KCTD16: variants seen among roughly 807,000 people sequenced by gnomAD.
KCTD16 encodes the protein BTB/POZ domain-containing protein KCTD16.
KCTD16 carries 13 observed loss-of-function variants against 33.2 expected under a neutral mutation model. The observed-to-expected ratio is 0.39, with a 90% CI of 0.25 to 0.62. The LOEUF (loss-of-function observed/expected upper bound fraction) is 0.62, where lower values mean the gene tolerates loss of function less well. KCTD16 is among the 20% of genes least tolerant of loss of function. The pLI is 0.50. For missense variants in KCTD16, 441 were observed against 525.1 expected (o/e 0.84, Z 1.57); for synonymous variants, 197 against 195.3 (o/e 1.01, Z -0.07).
At chr5:144,404,091 A>C (rs773869637) in intron 3 of KCTD16, among the ~76,000 whole-genome samples, 1 of 152,166 alleles carries the variant, frequency 6.6e-6, no homozygotes, top group African/African-American at 2.4e-5. Context: ...CTCACACCCA[A>C]CTTAAAAAGA....
chr5:144,252,690 G>A (rs1754734228), intron 3 of KCTD16, among the ~76,000 whole-genome samples: 1 of 151,380 alleles, frequency 6.6e-6, no homozygotes, highest in African/African-American at 2.4e-5. Flanking sequence ...AAGATAATGA[G>A]GCTCATGTCA....
chr5:144,405,860 T>A (rs1443928436), intron 3 of KCTD16, among the ~76,000 whole-genome samples: 1 of 152,070 alleles, frequency 6.6e-6, no homozygotes, highest in Admixed American at 6.5e-5. Context: ...AGGCTGTGAG[T>A]TTTATCTTTC....
intron 3 of KCTD16, among the ~76,000 whole-genome samples, chr5:144,441,000 T>C (rs1753694132): frequency 6.6e-6 from 1 of 152,030 alleles, no homozygotes; most frequent in African/African-American, 2.4e-5. Context: ...TTTGGTTTTT[T>C]GTCCTTGCGA....
At chr5:144,253,056 T>C (rs887929878) in intron 3 of KCTD16, among the ~76,000 whole-genome samples, 4 of 152,002 alleles carry the variant, frequency 2.6e-5, no homozygotes, top group Non-Finnish European at 5.9e-5. Flanking sequence ...GTGTTAAAAA[T>C]ATTATAATTT....
chr5:144,235,424 G>A (rs1754223966), intron 3 of KCTD16, among the ~76,000 whole-genome samples: 2 of 152,018 alleles, frequency 1.3e-5, no homozygotes, highest in African/African-American at 4.8e-5. Flanking sequence ...TCAGATCAGG[G>A]GCTGGAGTCA....
chr5:144,230,884 T>G (rs937820468), intron 3 of KCTD16, among the ~76,000 whole-genome samples: 5 of 152,172 alleles, frequency 3.3e-5, no homozygotes, highest in African/African-American at 1.2e-4. Context: ...GGAACAGCAT[T>G]CTAGGCAGCA....
intron 3 of KCTD16, among the ~76,000 whole-genome samples, chr5:144,222,464 G>T (rs1210413846): frequency 1.3e-5 from 2 of 151,936 alleles, no homozygotes; most frequent in African/African-American, 4.8e-5. Flanking sequence ...TGTGCACAAA[G>T]CGGCATAATA....
At chr5:144,425,144 A>T (rs533551610) in intron 3 of KCTD16, among the ~76,000 whole-genome samples, 1 of 152,276 alleles carries the variant, frequency 6.6e-6, no homozygotes, top group African/African-American at 2.4e-5. Flanking sequence ...ACAATAGTAG[A>T]TCAGGCATAG....
intron 3 of KCTD16, among the ~76,000 whole-genome samples, chr5:144,448,103 C>G (rs35470729): frequency 1.3e-5 from 2 of 149,306 alleles, no homozygotes; most frequent in African/African-American, 2.6e-5. Context: ...TCAGTCATAT[C>G]CAATTACTTG....
intron 3 of KCTD16, among the ~76,000 whole-genome samples, chr5:144,395,643 C>G (rs1752551700): frequency 6.6e-6 from 1 of 152,230 alleles, no homozygotes; most frequent in Non-Finnish European, 1.5e-5. Flanking sequence ...CAGCAATTCT[C>G]TCCACAATAA....
At chr5:144,226,057 C>G (rs1753921915) in intron 3 of KCTD16, among the ~76,000 whole-genome samples, 1 of 152,128 alleles carries the variant, frequency 6.6e-6, no homozygotes, top group Non-Finnish European at 1.5e-5. Flanking sequence ...TTTGCTTTTC[C>G]TTATCTCTTA....
chr5:144,268,047 C>G (rs1294919116), intron 3 of KCTD16, among the ~76,000 whole-genome samples: 1 of 152,252 alleles, frequency 6.6e-6, no homozygotes, highest in South Asian at 2.1e-4. Flanking sequence ...GTATTGCACG[C>G]TTCAGACTTC....
At chr5:144,248,141 G>A (rs1754600664) in intron 3 of KCTD16, among the ~76,000 whole-genome samples, 1 of 152,146 alleles carries the variant, frequency 6.6e-6, no homozygotes, top group African/African-American at 2.4e-5. Flanking sequence ...TATACAGTAC[G>A]GGAGAAGGAA....
chr5:144,393,554 A>T (rs2126940170), intron 3 of KCTD16, among the ~76,000 whole-genome samples: 1 of 152,202 alleles, frequency 6.6e-6, no homozygotes, highest in African/African-American at 2.4e-5. Flanking sequence ...GTGTGTATAT[A>T]TATAGAGAGA....
chr5:144,430,935 A>G (rs981771007), intron 3 of KCTD16, among the ~76,000 whole-genome samples: 1 of 152,132 alleles, frequency 6.6e-6, no homozygotes, highest in Non-Finnish European at 1.5e-5. Flanking sequence ...AGAATCTAAT[A>G]ATAGCCACAG....
At chr5:144,204,096 T>C (rs550055554) in intron 2 of KCTD16, among the ~76,000 whole-genome samples, 36 of 152,346 alleles carry the variant, frequency 2.4e-4, no homozygotes, top group African/African-American at 8.7e-4. Flanking sequence ...AGTAACCCAA[T>C]GCTTATTGAA....
At chr5:144,327,441 T>G (rs1165441254) in intron 3 of KCTD16, among the ~76,000 whole-genome samples, 1 of 152,178 alleles carries the variant, frequency 6.6e-6, no homozygotes, top group Admixed American at 6.6e-5. Context: ...CTCTTCCCAT[T>G]AGAATTCATG....
At chr5:144,401,057 G>T (rs1345638493) in intron 3 of KCTD16, among the ~76,000 whole-genome samples, 1 of 152,164 alleles carries the variant, frequency 6.6e-6, no homozygotes, top group Non-Finnish European at 1.5e-5. Flanking sequence ...TGAAGACAAG[G>T]TAAGGATCAA....
intron 3 of KCTD16, among the ~76,000 whole-genome samples, chr5:144,359,377 C>T (rs1432298258): frequency 1.3e-5 from 2 of 152,120 alleles, no homozygotes; most frequent in Non-Finnish European, 2.9e-5. Flanking sequence ...ATCATTAACC[C>T]TCTCTTTTGA....
Sources: allele counts gnomAD v4.1 joint callset (sites outside exome capture counted in the v4.1 genomes callset), GRCh38; gene constraint gnomAD v4.1.1; transcripts MANE v1.5; gene names NCBI Gene and HGNC (gene_info 2026-07-23, HGNC 2026-07-21).